Variants in BAIAP2 observed in about 807,000 individuals in gnomAD.
BAIAP2 encodes the protein BAR/IMD domain containing adaptor protein 2.
In BAIAP2, 18 loss-of-function variants were observed where a neutral mutation model predicts 63.0. That is an observed-to-expected ratio of 0.29 (90% CI 0.20 to 0.42). BAIAP2 has a LOEUF of 0.42. Ranked by LOEUF, BAIAP2 falls within the 10% of genes least tolerant of loss-of-function variation. The pLI, the probability that BAIAP2 is intolerant of heterozygous loss-of-function variation, is 1.00. For missense variants in BAIAP2, 610 were observed against 734.3 expected (o/e 0.83, Z 1.96); for synonymous variants, 386 against 307.6 (o/e 1.25, Z -2.67).
intron 1 of BAIAP2, among the ~76,000 whole-genome samples, chr17:81,038,204 T>G (rs181123346): frequency 1.3e-5 from 2 of 152,338 alleles, no homozygotes; most frequent in Admixed American, 1.3e-4. Flanking sequence ...CGGTGGCCTT[T>G]GGAATTAAGG....
At chr17:81,099,795 G>C in intron 6 of BAIAP2, 133 bp from the exon 7 acceptor site, 1 of 1,051,054 alleles carries the variant, frequency 9.5e-7, no homozygotes. Context: ...AGTGGCCGCA[G>C]ATGCTGTTTT....
chr17:81,042,498 T>C (rs374914921), intron 1 of BAIAP2, among the ~76,000 whole-genome samples: 4 of 152,116 alleles, frequency 2.6e-5, no homozygotes, highest in African/African-American at 9.7e-5. Flanking sequence ...CCAGGCCTCC[T>C]GTTCCTTCTT....
chr17:81,064,829 AAG>A (rs931086081), intron 3 of BAIAP2, among the ~76,000 whole-genome samples: 135 of 152,334 alleles, frequency 8.9e-4, no homozygotes, highest in African/African-American at 2.6e-3. Context: ...CCTGCAGTGA[AAG>A]AGTTTCTGCA....
intron 1 of BAIAP2, chr17:81,036,965 A>G: frequency 6.5e-7 from 1 of 1,535,512 alleles, no homozygotes; most frequent in Non-Finnish European, 8.7e-7. Context: ...GCAGGGGGTG[A>G]GTACATGGAG....
At chr17:81,071,672 C>A (rs980347432) in intron 3 of BAIAP2, among the ~76,000 whole-genome samples, 3 of 152,264 alleles carry the variant, frequency 2.0e-5, no homozygotes, top group Non-Finnish European at 4.4e-5. Context: ...AGCGCCCGTC[C>A]GTCCCTGAGC....
Position 81,086,528 on chromosome 17 carries a change from A to G in BAIAP2, c.437A>G (p.Lys146Arg), listed in dbSNP as rs1283140959. ...KCQAELKKLR[K>R]KSQGSKNPQK... ...CAGGCTGAGCTGAAGAAGCTTCGGAAGAAGAGCCAGGGCAGCAAGAATCCT... is the reference window on the plus strand; with the variant it reads ...CAGGCTGAGCTGAAGAAGCTTCGGAGGAAGAGCCAGGGCAGCAAGAATCCT... The change falls in exon 6 of 14, where the codon AAG becomes AGG. Residue 146 changes from lysine (K) to arginine (R), a missense_variant. Around this residue, in one of 5 missense-constraint regions of BAIAP2, gnomAD observed 389 missense variants for 455.6 expected, o/e 0.85. Transcript: ENST00000428708. 6.2e-7 allele frequency: 1 copy of G among 1,613,958 alleles called. No homozygotes were observed. The highest frequency in any genetic ancestry group is 1.3e-5 in the African/African-American group (1 of 75,060).
chr17:81,110,964 G>A, intron 13 of BAIAP2: 1 of 1,613,834 alleles, frequency 6.2e-7, no homozygotes, highest in Non-Finnish European at 8.5e-7. Context: ...GAGTTAGTAA[G>A]TTGCCTGGCG....
intron 3 of BAIAP2, among the ~76,000 whole-genome samples, chr17:81,061,706 G>A (rs932342183): frequency 7.9e-5 from 12 of 152,096 alleles, no homozygotes; most frequent in South Asian, 6.2e-4. Context: ...AGCTTGGGGC[G>A]TTCCTAAATT....
chr17:81,090,739 G>A (rs902076914), intron 6 of BAIAP2, among the ~76,000 whole-genome samples: 6 of 152,312 alleles, frequency 3.9e-5, no homozygotes, highest in East Asian at 1.9e-4. Context: ...CGCGCCCCCC[G>A]AGCTGCGGGG....
chr17:81,093,933 TC>T (rs1300995328), intron 6 of BAIAP2, among the ~76,000 whole-genome samples: 3 of 146,112 alleles, frequency 2.1e-5, no homozygotes, highest in African/African-American at 5.1e-5. Context: ...GGACAACCCC[TC>T]CCCCCCACCA....
At chr17:81,096,851 T>C (rs1432486711) in intron 6 of BAIAP2, among the ~76,000 whole-genome samples, 3 of 152,218 alleles carry the variant, frequency 2.0e-5, no homozygotes, top group African/African-American at 7.2e-5. Context: ...CTGGAGGTTC[T>C]TGGGAGCAGG....
At chr17:81,090,439 A>AT (rs2056520457) in intron 6 of BAIAP2, among the ~76,000 whole-genome samples, 1 of 152,168 alleles carries the variant, frequency 6.6e-6, no homozygotes, top group South Asian at 2.1e-4. Flanking sequence ...CAGGTGTTTT[A>AT]TTTTTGTGGT....
chr17:81,067,843 C>T (rs188719621), intron 3 of BAIAP2, among the ~76,000 whole-genome samples: 5 of 152,350 alleles, frequency 3.3e-5, no homozygotes, highest in Non-Finnish European at 4.4e-5. Context: ...GCCTGTCCCC[C>T]GGTTGGGGCA....
At chr17:81,091,705 C>A (rs2056804089) in intron 6 of BAIAP2, among the ~76,000 whole-genome samples, 1 of 152,206 alleles carries the variant, frequency 6.6e-6, no homozygotes, top group Middle Eastern at 3.2e-3. Context: ...GCCGGACTGC[C>A]GGAAGTGGAA....
In BAIAP2 at chr17:81,046,744, A is replaced by G. The variant is rs548591912; in HGVS notation, c.55-6924A>G. ...CCTGTACCTCCCTAGTCCATGCTGTACATGTGGCCGGGGGTTTCCAGGCTT... is the reference window on the plus strand; with the variant it reads ...CCTGTACCTCCCTAGTCCATGCTGTGCATGTGGCCGGGGGTTTCCAGGCTT... On this transcript the variant is annotated intron_variant, in intron 1 of 13. Coordinates refer to ENST00000428708, the MANE Select transcript of BAIAP2 (RefSeq NM_001144888.2). This position sits in a 1 kb window ranked among gnomAD's most constrained non-coding sequence, Gnocchi z 4.5. Among the ~76,000 whole-genome samples, 71 of 152,008 alleles carry G rather than the reference A, an allele frequency of 4.7e-4. No homozygotes were observed. Among genetic ancestry groups the G allele is most frequent in the Admixed American group, 1.5e-3 (23 of 15,282 alleles).
chr17:81,055,569 G>GGTTGTTTTTTTTTTTTT (rs138656369), intron 2 of BAIAP2, among the ~76,000 whole-genome samples: 1 of 94,190 alleles, frequency 1.1e-5, no homozygotes, highest in Non-Finnish European at 2.1e-5. Context: ...TCTGCAGGGT[G>GGTTGTTTTTTTTTTTTT]TTTTGTTTTT....
intron 3 of BAIAP2, among the ~76,000 whole-genome samples, chr17:81,081,622 T>A (rs1476788866): frequency 6.6e-6 from 1 of 152,188 alleles, no homozygotes; most frequent in Admixed American, 6.5e-5. Context: ...CTCTTTGTCC[T>A]TGATCCCTTC....
rs762325161 is a variant in BAIAP2 at position 81,104,103 on chromosome 17, C to T, written c.1061C>T (p.Ala354Val). 6.2e-7 allele frequency: 1 copy of T among 1,613,200 alleles called. No individual in the cohort carries two copies. Among genetic ancestry groups the T allele is most frequent in the Non-Finnish European group, 8.5e-7 (1 of 1,179,972 alleles). Residue 354 changes from alanine (A) to valine (V), a missense_variant, in exon 9 of 14, where the codon GCC becomes GTC. Physicochemically the swap from Ala to Val is moderately conservative, Grantham distance 64. Around this residue, in one of 5 missense-constraint regions of BAIAP2, gnomAD observed 67 missense variants for 132.0 expected, o/e 0.51. Coordinates refer to ENST00000428708, the MANE Select transcript of BAIAP2 (RefSeq NM_001144888.2). ...AGCGTGACCCCAAAAAACAGCTATG[C>T]CACCAGTAAGGGCTCCGCTGGGGTG... ...RKSVTPKNSY[A>V]TTENKTLPRS...
At chr17:81,107,099 G>C in intron 12 of BAIAP2, 192 bp downstream of exon 12, 1 of 652,456 alleles carries the variant, frequency 1.5e-6, no homozygotes, top group Middle Eastern at 4.3e-4. Flanking sequence ...TGCCCGCCTC[G>C]CCGCAGCAGG....
Sources: gnomAD v4.1 joint callset for allele counts (sites outside exome capture counted in the v4.1 genomes callset) on GRCh38, gnomAD v4.1.1 for gene constraint, gnomAD v4.1.1 regional missense constraint, Gnocchi (gnomAD v3.1) non-coding constraint, MANE v1.5 for transcripts, NCBI Gene and HGNC (gene_info 2026-07-23, HGNC 2026-07-21) for gene names.